The following DLGAP1 variants were observed in gnomAD, a reference collection of about 807,000 sequenced individuals.
The protein encoded by DLGAP1 is disks large-associated protein 1.
Under a neutral mutation model 90.8 loss-of-function variants are expected in DLGAP1, and 11 were observed. That is an observed-to-expected ratio of 0.12 (90% CI 0.08 to 0.20). DLGAP1 has a LOEUF of 0.20. DLGAP1 is among the 10% of genes least tolerant of loss of function. The probability of loss-of-function intolerance (pLI) is 1.00; values close to 1 mark genes in which losing one functional copy is unlikely to be tolerated. For missense variants in DLGAP1, 1,050 were observed against 1,333.8 expected (o/e 0.79, Z 3.31); for synonymous variants, 558 against 540.7 (o/e 1.03, Z -0.44).
At chr18:3,658,049 TAA>T (rs770315019) in intron 7 of DLGAP1, among the ~76,000 whole-genome samples, 24 of 152,206 alleles carry the variant, frequency 1.6e-4, no homozygotes, top group African/African-American at 5.5e-4. Context: ...TTATGTGATA[TAA>T]GTTATTTTTA....
intron 7 of DLGAP1, among the ~76,000 whole-genome samples, chr18:3,682,193 C>T (rs1360230650): frequency 6.6e-6 from 1 of 151,852 alleles, no homozygotes; most frequent in Non-Finnish European, 1.5e-5. Context: ...AAGTGTGTGG[C>T]ACCTCCCCCT....
intron 2 of DLGAP1, among the ~76,000 whole-genome samples, chr18:4,065,777 C>T (rs968083807): frequency 2.0e-5 from 3 of 152,058 alleles, no homozygotes; most frequent in African/African-American, 7.2e-5. Flanking sequence ...ATGCTATCCC[C>T]ATTAAACTAC....
At chr18:4,176,416 C>G (rs1186226242) in intron 1 of DLGAP1, among the ~76,000 whole-genome samples, 1 of 152,158 alleles carries the variant, frequency 6.6e-6, no homozygotes, top group African/African-American at 2.4e-5. Context: ...AAACCAGCAG[C>G]CATTCGTGTG....
chr18:4,333,425 T>A (rs1462879425), intron 1 of DLGAP1, among the ~76,000 whole-genome samples: 1 of 151,654 alleles, frequency 6.6e-6, no homozygotes, highest in African/African-American at 2.4e-5. Flanking sequence ...TTTACAACTG[T>A]CTCAGTGGCC....
chr18:3,762,029 T>C (rs1172273322), intron 5 of DLGAP1, among the ~76,000 whole-genome samples: 1 of 152,224 alleles, frequency 6.6e-6, no homozygotes, highest in East Asian at 1.9e-4. Flanking sequence ...TCCCCCACCC[T>C]GAGGAGGCAC....
chr18:3,935,779 T>C (rs947877056), intron 3 of DLGAP1, among the ~76,000 whole-genome samples: 1 of 152,220 alleles, frequency 6.6e-6, no homozygotes, highest in African/African-American at 2.4e-5. Context: ...GAGAAGTTGA[T>C]AACCGGCCTA....
intron 1 of DLGAP1, among the ~76,000 whole-genome samples, chr18:4,157,148 G>A (rs2076770592): frequency 6.6e-6 from 1 of 151,716 alleles, no homozygotes; most frequent in Admixed American, 6.6e-5. Context: ...GTGGGACCGG[G>A]CCGTCAGCTC....
chr18:4,359,576 A>G (rs949696339), intron 1 of DLGAP1, among the ~76,000 whole-genome samples: 3 of 152,228 alleles, frequency 2.0e-5, no homozygotes, highest in African/African-American at 7.2e-5. Context: ...TATTAAATAA[A>G]TATGTATGCT....
chr18:3,690,600 T>C (rs1364280385), intron 7 of DLGAP1, among the ~76,000 whole-genome samples: 2 of 152,118 alleles, frequency 1.3e-5, no homozygotes, highest in East Asian at 3.9e-4. Flanking sequence ...CCAGAGGAAG[T>C]ACAGGCTGAA....
At chr18:3,963,002 G>A (rs1471675847) in intron 3 of DLGAP1, among the ~76,000 whole-genome samples, 1 of 152,124 alleles carries the variant, frequency 6.6e-6, no homozygotes, top group Non-Finnish European at 1.5e-5. Context: ...CATGTTGAAG[G>A]ACTGGTTGAA....
At chr18:3,980,182 A>T (rs1232604100) in intron 3 of DLGAP1, among the ~76,000 whole-genome samples, 1 of 152,180 alleles carries the variant, frequency 6.6e-6, no homozygotes, top group Non-Finnish European at 1.5e-5. Context: ...AGTAAAAAAC[A>T]AAAAAGATAA....
intron 7 of DLGAP1, among the ~76,000 whole-genome samples, chr18:3,621,888 C>T (rs1485414383): frequency 6.6e-6 from 1 of 152,104 alleles, no homozygotes; most frequent in Non-Finnish European, 1.5e-5. Context: ...ATTGCTTGAG[C>T]TCAGGAGGTT....
intron 1 of DLGAP1, among the ~76,000 whole-genome samples, chr18:4,374,901 G>A (rs1010766568): frequency 6.6e-6 from 1 of 151,942 alleles, no homozygotes; most frequent in African/African-American, 2.4e-5. Flanking sequence ...ATATCTACTA[G>A]ATTGGAAATA....
intron 2 of DLGAP1, among the ~76,000 whole-genome samples, chr18:4,137,117 T>A (rs1468697285): frequency 6.6e-6 from 1 of 152,174 alleles, no homozygotes; most frequent in Non-Finnish European, 1.5e-5. Flanking sequence ...GTTCTCATTG[T>A]TGAATTCCCA....
intron 9 of DLGAP1, among the ~76,000 whole-genome samples, chr18:3,547,684 G>A (rs1333097957): frequency 1.3e-5 from 2 of 152,000 alleles, no homozygotes; most frequent in Non-Finnish European, 2.9e-5. Flanking sequence ...ATGGTAAAAC[G>A]GTGCAGCCAC....
chr18:3,628,995 G>A (rs1029307497), intron 7 of DLGAP1, among the ~76,000 whole-genome samples: 1 of 152,122 alleles, frequency 6.6e-6, no homozygotes, highest in Non-Finnish European at 1.5e-5. Flanking sequence ...AAATGTTCGG[G>A]TTGTTTGCTA....
intron 1 of DLGAP1, among the ~76,000 whole-genome samples, chr18:4,283,255 TAAAGTGCTTTC>T (rs2079597395): frequency 6.6e-6 from 1 of 152,188 alleles, no homozygotes; most frequent in Non-Finnish European, 1.5e-5. Context: ...ATTGATGAGT[TAAAGTGCTTTC>T]AGAATAAATA....
intron 5 of DLGAP1, among the ~76,000 whole-genome samples, chr18:3,806,409 CTGTG>C (rs1319857024): frequency 6.6e-6 from 1 of 152,046 alleles, no homozygotes; most frequent in African/African-American, 2.4e-5. Flanking sequence ...GTGTATGTGT[CTGTG>C]TGTATTTTTC....
chr18:4,224,872 T>G (rs984615200), intron 1 of DLGAP1, among the ~76,000 whole-genome samples: 2 of 152,052 alleles, frequency 1.3e-5, no homozygotes, highest in African/African-American at 4.8e-5. Flanking sequence ...CAAGAAAGTA[T>G]TTACAGTAGG....
Sources: allele counts gnomAD v4.1 joint callset (sites outside exome capture counted in the v4.1 genomes callset), GRCh38; gene constraint gnomAD v4.1.1; transcripts MANE v1.5; gene names NCBI Gene and HGNC (gene_info 2026-07-23, HGNC 2026-07-21).